LRRTM4: variants seen among roughly 807,000 people sequenced by gnomAD.
LRRTM4 encodes leucine rich repeat transmembrane neuronal 4.
Under a neutral mutation model 47.6 loss-of-function variants are expected in LRRTM4, and 25 were observed. That is an observed-to-expected ratio of 0.53 (90% CI 0.38 to 0.73). LRRTM4 has a LOEUF of 0.73. LRRTM4 is among the 30% of genes least tolerant of loss of function. The pLI, the probability that LRRTM4 is intolerant of heterozygous loss-of-function variation, is 0.00. For missense variants in LRRTM4, 638 were observed against 713.4 expected, an observed-to-expected ratio of 0.89 and a Z score of 1.20; for synonymous variants, 311 against 269.5, an observed-to-expected ratio of 1.15 and a Z score of -1.51.
intron 3 of LRRTM4, among the ~76,000 whole-genome samples, chr2:77,514,808 CAGTTGATAAAACAAATCCTAG>C (rs1478192597): frequency 1.3e-5 from 2 of 151,856 alleles, no homozygotes; most frequent in Non-Finnish European, 2.9e-5. Flanking sequence ...CTGCTACTTT[CAGTTGATAAAACAAATCCTAG>C]AAGAACTAGA....
At chr2:77,317,952 A>G (rs1363086340) in intron 3 of LRRTM4, among the ~76,000 whole-genome samples, 3 of 146,774 alleles carry the variant, frequency 2.0e-5, no homozygotes, top group South Asian at 2.2e-4. Context: ...AAACTAATGT[A>G]TTATTGTTTT....
At chr2:76,814,758 TGTA>T (rs1485136540) in intron 3 of LRRTM4, among the ~76,000 whole-genome samples, 2 of 151,722 alleles carry the variant, frequency 1.3e-5, no homozygotes, top group East Asian at 3.9e-4. Context: ...AAGGGATGAC[TGTA>T]ATAACAATAG....
intron 3 of LRRTM4, among the ~76,000 whole-genome samples, chr2:77,349,052 G>A (rs1234053212): frequency 6.6e-6 from 1 of 151,878 alleles, no homozygotes; most frequent in East Asian, 1.9e-4. Context: ...GGGCAGAGAT[G>A]CTGGATAGCT....
intron 3 of LRRTM4, among the ~76,000 whole-genome samples, chr2:77,145,235 G>GAT: frequency 6.8e-6 from 1 of 146,028 alleles, no homozygotes; most frequent in Non-Finnish European, 1.5e-5. Flanking sequence ...ATATCTCATA[G>GAT]ATATATATAT....
chr2:76,883,664 G>T (rs575233174), intron 3 of LRRTM4, among the ~76,000 whole-genome samples: 1 of 151,924 alleles, frequency 6.6e-6, no homozygotes, highest in Non-Finnish European at 1.5e-5. Context: ...ACTGTTTCTC[G>T]CAAATCCCCA....
chr2:76,920,739 T>C (rs372278029), intron 3 of LRRTM4, among the ~76,000 whole-genome samples: 1 of 152,122 alleles, frequency 6.6e-6, no homozygotes, highest in Non-Finnish European at 1.5e-5. Flanking sequence ...GAACAACTTA[T>C]AGTGCATGGT....
chr2:77,480,282 C>A (rs946991848), intron 3 of LRRTM4, among the ~76,000 whole-genome samples: 4 of 152,076 alleles, frequency 2.6e-5, no homozygotes, highest in African/African-American at 7.2e-5. Flanking sequence ...CTGGCAGAGC[C>A]CTTGCAAAAT....
At chr2:77,254,342 C>T (rs1675704316) in intron 3 of LRRTM4, among the ~76,000 whole-genome samples, 2 of 151,840 alleles carry the variant, frequency 1.3e-5, no homozygotes, top group South Asian at 4.1e-4. Context: ...ATCAGCAATT[C>T]TTGATGGAGG....
chr2:77,247,400 T>C (rs996330940), intron 3 of LRRTM4, among the ~76,000 whole-genome samples: 2 of 152,130 alleles, frequency 1.3e-5, no homozygotes, highest in Non-Finnish European at 2.9e-5. Context: ...CTGAAACATT[T>C]TCTCTTTTTT....
At chr2:77,083,978 T>A (rs1396461863) in intron 3 of LRRTM4, among the ~76,000 whole-genome samples, 1 of 151,608 alleles carries the variant, frequency 6.6e-6, no homozygotes, top group African/African-American at 2.4e-5. Context: ...CTAATTTTTT[T>A]ATATTTTTAG....
At chr2:76,818,056 G>A (rs1187713266) in intron 3 of LRRTM4, among the ~76,000 whole-genome samples, 2 of 151,892 alleles carry the variant, frequency 1.3e-5, no homozygotes, top group Non-Finnish European at 2.9e-5. Context: ...GGCAATAGAA[G>A]CATGGCAGTT....
intron 3 of LRRTM4, among the ~76,000 whole-genome samples, chr2:77,499,119 A>G (rs1055632300): frequency 1.3e-5 from 2 of 151,834 alleles, no homozygotes; most frequent in Non-Finnish European, 2.9e-5. Context: ...CCAGAGGGTT[A>G]ATTGGCAATA....
At chr2:77,487,481 T>C (rs541026653) in intron 3 of LRRTM4, among the ~76,000 whole-genome samples, 10 of 152,250 alleles carry the variant, frequency 6.6e-5, no homozygotes, top group African/African-American at 2.2e-4. Context: ...GACTTTGGAT[T>C]CCCACGAACG....
At chr2:77,198,714 C>G (rs1673893929) in intron 3 of LRRTM4, among the ~76,000 whole-genome samples, 1 of 152,108 alleles carries the variant, frequency 6.6e-6, no homozygotes. Flanking sequence ...CTGACATTTT[C>G]CAAGCTGCTA....
At chr2:76,909,322 A>G (rs1673964501) in intron 3 of LRRTM4, among the ~76,000 whole-genome samples, 1 of 152,212 alleles carries the variant, frequency 6.6e-6, no homozygotes, top group South Asian at 2.1e-4. Context: ...TCCCTTCCTT[A>G]CACCTTATAC....
At chr2:76,910,267 A>G (rs184615959) in intron 3 of LRRTM4, among the ~76,000 whole-genome samples, 1,683 of 148,864 alleles carry the variant, frequency 0.011, 37 homozygotes, top group African/African-American at 0.039. Flanking sequence ...AACACTGCAT[A>G]TTCTCACTCA....
chr2:77,132,899 A>G (rs1453818599), intron 3 of LRRTM4, among the ~76,000 whole-genome samples: 1 of 152,050 alleles, frequency 6.6e-6, no homozygotes, highest in African/African-American at 2.4e-5. Context: ...GGTGTAGAAC[A>G]TTGGGAGGGA....
At chr2:76,894,298 T>C (rs574808243) in intron 3 of LRRTM4, among the ~76,000 whole-genome samples, 1 of 152,184 alleles carries the variant, frequency 6.6e-6, no homozygotes, top group African/African-American at 2.4e-5. Context: ...CAAGAGCTAA[T>C]GCATAATTTG....
intron 3 of LRRTM4, among the ~76,000 whole-genome samples, chr2:77,061,799 CT>C (rs1679794320): frequency 6.6e-6 from 1 of 152,030 alleles, no homozygotes; most frequent in South Asian, 2.1e-4. Flanking sequence ...ATTGAACAAA[CT>C]TTTTTGCTCT....
Sources: allele counts gnomAD v4.1 joint callset (sites outside exome capture counted in the v4.1 genomes callset), GRCh38; gene constraint gnomAD v4.1.1; transcripts MANE v1.5; gene names NCBI Gene and HGNC (gene_info 2026-07-23, HGNC 2026-07-21).